Variants in KDM2A observed in about 807,000 individuals in gnomAD.
KDM2A encodes lysine-specific demethylase 2A.
Under a neutral mutation model 137.3 loss-of-function variants are expected in KDM2A, and 3 were observed. That is an observed-to-expected ratio of 0.02 (90% confidence interval 0.01 to 0.06). The LOEUF is 0.06. Among genes scored for constraint, KDM2A ranks in the 10% least tolerant of loss-of-function variants. The pLI is 1.00. For synonymous variants in KDM2A, 512 were observed against 541.5 expected (o/e 0.95, Z 0.76); for missense variants, 738 against 1,510.6 (o/e 0.49, Z 8.48).
At chr11:67,126,746 A>T (rs1330730082) in intron 2 of KDM2A, among the ~76,000 whole-genome samples, 1 of 151,526 alleles carries the variant, frequency 6.6e-6, no homozygotes, top group African/African-American at 2.4e-5. Flanking sequence ...GCCAAGCTTC[A>T]TTATTTACCT....
intron 2 of KDM2A, among the ~76,000 whole-genome samples, chr11:67,160,327 C>T (rs1856606391): frequency 6.6e-6 from 1 of 152,118 alleles, no homozygotes; most frequent in Admixed American, 6.6e-5. Flanking sequence ...CCTGCCTTTG[C>T]CGGTTTAGGA....
At chr11:67,160,944 A>C (rs76731458) in intron 2 of KDM2A, among the ~76,000 whole-genome samples, 1 of 152,218 alleles carries the variant, frequency 6.6e-6, no homozygotes, top group African/African-American at 2.4e-5. Context: ...TGTCTCTAAA[A>C]ATAAATAAAT....
At chr11:67,125,997 G>C (rs1855717817) in intron 2 of KDM2A, among the ~76,000 whole-genome samples, 1 of 147,788 alleles carries the variant, frequency 6.8e-6, no homozygotes, top group South Asian at 2.1e-4. Flanking sequence ...TGTAATCCCA[G>C]CACTTCGGGA....
chr11:67,179,143 A>G (rs1447684899), intron 2 of KDM2A, among the ~76,000 whole-genome samples: 3 of 152,188 alleles, frequency 2.0e-5, no homozygotes, highest in African/African-American at 4.8e-5. Context: ...CATTTTTCTA[A>G]TGACTAATGA....
At chr11:67,183,246 C>T (rs540647058) in intron 5 of KDM2A, among the ~76,000 whole-genome samples, 2 of 152,322 alleles carry the variant, frequency 1.3e-5, no homozygotes, top group South Asian at 4.1e-4. Flanking sequence ...CAAGACAGAA[C>T]ACTCAGGGGA....
intron 2 of KDM2A, among the ~76,000 whole-genome samples, chr11:67,179,420 T>C (rs35992831): frequency 0.068 from 10,316 of 152,162 alleles, 540 homozygotes; most frequent in African/African-American, 0.14. Context: ...ATTACAGGCA[T>C]GTGCCACTAC....
chr11:67,121,476 C>T (rs986440609), intron 2 of KDM2A, 118 bp downstream of exon 2: 10 of 922,740 alleles, frequency 1.1e-5, no homozygotes, highest in Non-Finnish European at 1.7e-5. Context: ...CTTTTCTGTG[C>T]ACCAGAGGAG....
In KDM2A at chr11:67,242,935, T is replaced by C; in HGVS notation, c.1480-74T>C. 3.5e-6 allele frequency: 4 copies of C among 1,141,752 alleles called. No homozygotes were observed. In the South Asian group the frequency reaches 3.7e-5, roughly 11 times the overall value. 70.7% of individuals were successfully genotyped at this position (1,141,752 alleles called of 1,614,324 possible). On this transcript the variant is annotated intron_variant, in intron 12 of 20. Coordinates refer to ENST00000529006, the MANE Select transcript of KDM2A (RefSeq NM_012308.3). ...TACTCAAGGGTACTGAGGCAGAGTC[T>C]GGATGCTGTTCAGGGTGGTTGGCTC...
intron 5 of KDM2A, among the ~76,000 whole-genome samples, chr11:67,206,202 G>A (rs1164740206): frequency 1.3e-5 from 2 of 152,180 alleles, no homozygotes; most frequent in South Asian, 2.1e-4. Flanking sequence ...AGGCCAAGGC[G>A]GGCAGATCAG....
intron 1 of KDM2A, among the ~76,000 whole-genome samples, chr11:67,120,504 T>C (rs1276154236): frequency 2.0e-5 from 3 of 152,262 alleles, no homozygotes; most frequent in Admixed American, 6.5e-5. Context: ...GCCGGTCTTT[T>C]ATTTAATTTT....
intron 6 of KDM2A, among the ~76,000 whole-genome samples, chr11:67,214,222 T>TTTTTTTTG (rs1565407441): frequency 2.0e-5 from 3 of 146,654 alleles, no homozygotes; most frequent in African/African-American, 7.6e-5. Context: ...TTTTTTTTTT[T>TTTTTTTTG]GAGACGGAGT....
rs377424313 is a variant in KDM2A, at chr11:67,255,136, G to A, written c.*81G>A. 24 of 1,269,318 alleles carry A rather than the reference G, an allele frequency of 1.9e-5. No individual in the cohort carries two copies. Among genetic ancestry groups the A allele is most frequent in the Admixed American group, 2.1e-5 (1 of 47,456 alleles). 78.6% of individuals were successfully genotyped at this position (1,269,318 alleles called of 1,614,324 possible). A position where few individuals can be genotyped will look rare whatever the true frequency, so the allele number is the denominator to read the frequency against. On this transcript the variant is annotated 3_prime_UTR_variant, in exon 21 of 21. Coordinates refer to ENST00000529006, the MANE Select transcript of KDM2A (RefSeq NM_012308.3). ...GGAGAGCCTCTCCTCGACCCTGCAC[G>A]GGCTCTGAGGCCAGCGTCACACTCC...
intron 6 of KDM2A, among the ~76,000 whole-genome samples, chr11:67,211,549 G>A (rs896092369): frequency 3.5e-5 from 5 of 143,060 alleles, no homozygotes; most frequent in Non-Finnish European, 6.0e-5. Context: ...AGGAGGCAGA[G>A]GTTGCAGTGA....
chr11:67,128,171 T>G (rs1247631196), intron 2 of KDM2A, among the ~76,000 whole-genome samples: 2 of 151,896 alleles, frequency 1.3e-5, no homozygotes, highest in Non-Finnish European at 2.9e-5. Context: ...CCTGGCTTAT[T>G]TTTAAATTCT....
At chr11:67,216,140 A>G (rs1278383857) in intron 8 of KDM2A, among the ~76,000 whole-genome samples, 191 bp downstream of exon 8, 1 of 152,238 alleles carries the variant, frequency 6.6e-6, no homozygotes, top group Non-Finnish European at 1.5e-5. Flanking sequence ...CATCTAGTTC[A>G]CTGTCATTAC....
chr11:67,142,593 T>TG (rs1317604123), intron 2 of KDM2A, among the ~76,000 whole-genome samples: 12 of 24,502 alleles, frequency 4.9e-4, no homozygotes, highest in South Asian at 1.2e-3. Context: ...GGGTTGGGGT[T>TG]GGGGGGGCGT....
intron 5 of KDM2A, 109 bp from the exon 6 acceptor site, chr11:67,207,401 G>T: frequency 1.3e-6 from 1 of 798,792 alleles, no homozygotes; most frequent in Non-Finnish European, 1.8e-6. Flanking sequence ...GTGTATTATT[G>T]AAAATAAGAA....
At chr11:67,226,039 T>A (rs1390520587) in intron 10 of KDM2A, among the ~76,000 whole-genome samples, 1 of 152,000 alleles carries the variant, frequency 6.6e-6, no homozygotes, top group Non-Finnish European at 1.5e-5. Context: ...CAGTCCAGCC[T>A]GGGCAACAAG....
At chr11:67,208,675 G>T (rs543826614) in intron 6 of KDM2A, among the ~76,000 whole-genome samples, 1 of 149,746 alleles carries the variant, frequency 6.7e-6, no homozygotes, top group East Asian at 2.0e-4. Context: ...GGAGGCTGAG[G>T]CATGAGAATC....
Sources: allele counts gnomAD v4.1 joint callset (sites outside exome capture counted in the v4.1 genomes callset), GRCh38; gene constraint gnomAD v4.1.1; transcripts MANE v1.5; gene names NCBI Gene and HGNC (gene_info 2026-07-23, HGNC 2026-07-21).